MOBP: variants seen among roughly 807,000 people sequenced by gnomAD.
MOBP encodes the protein myelin associated oligodendrocyte basic protein.
Under a neutral mutation model 15.0 loss-of-function variants are expected in MOBP, and 5 were observed. The observed-to-expected ratio is 0.33, with a 90% CI of 0.17 to 0.70. MOBP has a LOEUF of 0.70. MOBP is among the 30% of genes least tolerant of loss of function. The pLI is 0.67. For missense variants in MOBP, 188 were observed against 257.8 expected (o/e 0.73, Z 1.85); for synonymous variants, 88 against 99.0 (o/e 0.89, Z 0.66).
chr3:39,504,912 G>A (rs2043029690), downstream of MOBP, among the ~76,000 whole-genome samples: 1 of 152,236 alleles, frequency 6.6e-6, no homozygotes, highest in African/African-American at 2.4e-5. Flanking sequence ...ATTGCTTTTA[G>A]AGGTTAAATA....
At chr3:39,496,284 T>C (rs897040602) in intron 2 of MOBP, among the ~76,000 whole-genome samples, 2 of 150,490 alleles carry the variant, frequency 1.3e-5, no homozygotes, top group Non-Finnish European at 3.0e-5. Flanking sequence ...GTGCAAGCTC[T>C]GCCTCCCAGG....
At chr3:39,519,505 CT>C (rs3036572), downstream of MOBP, among the ~76,000 whole-genome samples, 16,275 of 131,432 alleles carry the variant, frequency 0.12, 990 homozygotes, top group Middle Eastern at 0.24. Context: ...TAAATGGCAT[CT>C]TTTTTTTTTT....
downstream of MOBP, chr3:39,526,495 A>G (rs942683686): frequency 3.9e-5 from 6 of 152,226 alleles, no homozygotes; most frequent in African/African-American, 1.4e-4. Flanking sequence ...GAGCACTACC[A>G]GTAAATATTG....
intron 2 of MOBP, among the ~76,000 whole-genome samples, chr3:39,496,868 G>A (rs2042894388): frequency 6.6e-6 from 1 of 151,974 alleles, no homozygotes. Flanking sequence ...TCTCCATGTT[G>A]GTCCTGCTGG....
At chr3:39,505,145 G>T (rs1197549521), downstream of MOBP, among the ~76,000 whole-genome samples, 1 of 152,186 alleles carries the variant, frequency 6.6e-6, no homozygotes, top group Non-Finnish European at 1.5e-5. Context: ...GGTTGTCCTT[G>T]CCTTTGGGTT....
downstream of MOBP, among the ~76,000 whole-genome samples, chr3:39,504,970 T>G (rs1469897843): frequency 6.6e-6 from 1 of 152,266 alleles, no homozygotes; most frequent in Non-Finnish European, 1.5e-5. Flanking sequence ...CTTGGATAGG[T>G]CTTCTCAAAA....
intron 4 of MOBP, among the ~76,000 whole-genome samples, chr3:39,512,931 G>T (rs1452131092): frequency 6.6e-6 from 1 of 152,088 alleles, no homozygotes; most frequent in Non-Finnish European, 1.5e-5. Context: ...TCTCCTTCTT[G>T]AACACGATTT....
At chr3:39,489,686 TC>T (rs550816061) in intron 2 of MOBP, among the ~76,000 whole-genome samples, 18 of 150,542 alleles carry the variant, frequency 1.2e-4, no homozygotes, top group African/African-American at 4.4e-4. Context: ...GGTGTATTGT[TC>T]CCCGCCCAGC....
At chr3:39,481,198 T>G (rs2042623537) in intron 2 of MOBP, among the ~76,000 whole-genome samples, 2 of 152,238 alleles carry the variant, frequency 1.3e-5, no homozygotes, top group African/African-American at 4.8e-5. Context: ...AGCAGATTTG[T>G]ATTTCTGCAA....
intron 1 of MOBP, among the ~76,000 whole-genome samples, chr3:39,475,753 C>T (rs1398668): frequency 0.27 from 41,426 of 151,842 alleles, 7,152 homozygotes; most frequent in African/African-American, 0.49. Flanking sequence ...GTTGCCAACC[C>T]CTCTGAGCAT....
intron 3 of MOBP, among the ~76,000 whole-genome samples, chr3:39,521,583 G>T (rs1479782770): frequency 6.6e-6 from 1 of 152,150 alleles, no homozygotes; most frequent in African/African-American, 2.4e-5. Context: ...AAAAATGAAA[G>T]TGTCTGCTCC....
intron 2 of MOBP, among the ~76,000 whole-genome samples, chr3:39,492,597 T>G (rs1418896393): frequency 6.6e-6 from 1 of 152,238 alleles, no homozygotes; most frequent in Non-Finnish European, 1.5e-5. Flanking sequence ...GTGCTTTTTT[T>G]GGTAAAATCA....
chr3:39,492,896 AATTG>A (rs2042820493), intron 2 of MOBP, among the ~76,000 whole-genome samples: 4 of 152,210 alleles, frequency 2.6e-5, no homozygotes, highest in African/African-American at 9.7e-5. Flanking sequence ...CGAGTGAAAG[AATTG>A]AAGACCTATT....
At chr3:39,500,147 A>T (rs2042949196) in intron 2 of MOBP, 1 of 449,012 alleles carries the variant, frequency 2.2e-6, no homozygotes. Flanking sequence ...TGGTCTCAGT[A>T]AATGAAGTTT....
chr3:39,485,408 T>C (rs1200476853), intron 2 of MOBP, among the ~76,000 whole-genome samples: 1 of 152,146 alleles, frequency 6.6e-6, no homozygotes, highest in Admixed American at 6.5e-5. Context: ...ATTAGCAAGG[T>C]TTTAGAGACT....
chr3:39,485,346 C>T (rs895645873), intron 2 of MOBP, among the ~76,000 whole-genome samples: 3 of 152,272 alleles, frequency 2.0e-5, no homozygotes, highest in African/African-American at 7.2e-5. Flanking sequence ...TTGTTTTTTA[C>T]TGTGTAAATC....
chr3:39,508,409 A>G (rs1452228084), intron 4 of MOBP, among the ~76,000 whole-genome samples: 1 of 152,220 alleles, frequency 6.6e-6, no homozygotes, highest in African/African-American at 2.4e-5. Flanking sequence ...TCAACTCCCC[A>G]GCCCATAGTA....
At chr3:39,509,236 G>T (rs1322301654) in intron 4 of MOBP, among the ~76,000 whole-genome samples, 2 of 152,054 alleles carry the variant, frequency 1.3e-5, no homozygotes, top group Non-Finnish European at 2.9e-5. Flanking sequence ...TTTCTATTGG[G>T]TAAATAATTG....
At chr3:39,476,446 A>G (rs909050108) in intron 1 of MOBP, among the ~76,000 whole-genome samples, 2 of 152,152 alleles carry the variant, frequency 1.3e-5, no homozygotes, top group African/African-American at 4.8e-5. Flanking sequence ...TTATTTCTGT[A>G]TTTCTGACTC....
Sources: allele counts gnomAD v4.1 joint callset (sites outside exome capture counted in the v4.1 genomes callset), GRCh38; gene constraint gnomAD v4.1.1; transcripts MANE v1.5; gene names NCBI Gene and HGNC (gene_info 2026-07-23, HGNC 2026-07-21).